RASGEF1B: variants seen among roughly 807,000 people sequenced by gnomAD.
RASGEF1B encodes ras-GEF domain-containing family member 1B.
In RASGEF1B, 30 loss-of-function variants were observed where a neutral mutation model predicts 65.7. That is an observed-to-expected ratio of 0.46 (90% confidence interval 0.34 to 0.62). The LOEUF (loss-of-function observed/expected upper bound fraction) is 0.62. RASGEF1B is among the 20% of genes least tolerant of loss of function. The probability of loss-of-function intolerance (pLI) is 0.01; values close to 1 mark genes in which losing one functional copy is unlikely to be tolerated. For missense variants in RASGEF1B, 495 were observed against 580.1 expected (o/e 0.85, Z 1.51); for synonymous variants, 175 against 194.8 (o/e 0.90, Z 0.85).
At chr4:81,435,312 G>C (rs906246855) in intron 10 of RASGEF1B, among the ~76,000 whole-genome samples, 6 of 150,172 alleles carry the variant, frequency 4.0e-5, no homozygotes, top group African/African-American at 1.2e-4. Context: ...TCGGGAGGCT[G>C]AGGCAGGAGA....
chr4:81,444,849 A>C (rs1408412701), intron 8 of RASGEF1B, among the ~76,000 whole-genome samples: 2 of 152,216 alleles, frequency 1.3e-5, no homozygotes, highest in African/African-American at 4.8e-5. Context: ...TTCTATTCAA[A>C]TGTTTATTGA....
intron 10 of RASGEF1B, among the ~76,000 whole-genome samples, chr4:81,435,826 G>T (rs1222307660): frequency 7.1e-6 from 1 of 140,914 alleles, no homozygotes; most frequent in East Asian, 2.1e-4. Flanking sequence ...TGTCACCCTG[G>T]CTGGAGTACG....
chr4:81,440,205 T>C lies in RASGEF1B; in HGVS notation c.1104+629A>G, dbSNP rs573798139. 2.6e-5 allele frequency among the ~76,000 whole-genome samples: 4 copies of C among 152,234 alleles called. No homozygotes were observed. In the East Asian group the frequency reaches 5.8e-4, roughly 22 times the overall value. On this transcript the variant is annotated intron_variant, in intron 10 of 13. Coordinates refer to ENST00000264400, the MANE Select transcript of RASGEF1B (RefSeq NM_152545.3). Reference sequence around the variant, plus strand: ...GTTGAAACAGCCTATCCTTCCTCTGTAAAGAAATATGACACCAAAATGTGC... The same window carrying C: ...GTTGAAACAGCCTATCCTTCCTCTGCAAAGAAATATGACACCAAAATGTGC...
intron 1 of RASGEF1B, among the ~76,000 whole-genome samples, chr4:81,460,388 C>T (rs552919705): frequency 5.6e-4 from 85 of 152,254 alleles, no homozygotes; most frequent in African/African-American, 2.0e-3. Flanking sequence ...TCTGGCACCA[C>T]GTCTGCACAA....
chr4:81,463,398 T>G (rs773752279), intron 1 of RASGEF1B, among the ~76,000 whole-genome samples: 2 of 152,216 alleles, frequency 1.3e-5, no homozygotes, highest in Non-Finnish European at 2.9e-5. Flanking sequence ...TAACAGTCTT[T>G]TAAAGTGATA....
At chr4:81,436,711 AC>A (rs1467638244) in intron 10 of RASGEF1B, among the ~76,000 whole-genome samples, 2 of 152,224 alleles carry the variant, frequency 1.3e-5, no homozygotes, top group East Asian at 3.8e-4. Context: ...CTCAGGTGGT[AC>A]TTCTATATTG....
intron 1 of RASGEF1B, among the ~76,000 whole-genome samples, chr4:81,465,467 C>T (rs1229035591): frequency 6.6e-6 from 1 of 152,210 alleles, no homozygotes; most frequent in African/African-American, 2.4e-5. Flanking sequence ...AGTTAGTTGA[C>T]AGACAAGACA....
intron 13 of RASGEF1B, among the ~76,000 whole-genome samples, chr4:81,430,820 A>G (rs1400222123): frequency 6.6e-6 from 1 of 152,254 alleles, no homozygotes; most frequent in Non-Finnish European, 1.5e-5. Flanking sequence ...GTCATAAAAT[A>G]AAAAGAACTA....
chr4:81,465,106 A>G (rs1301660308), intron 1 of RASGEF1B, among the ~76,000 whole-genome samples: 6 of 152,020 alleles, frequency 3.9e-5, no homozygotes, highest in Non-Finnish European at 5.9e-5. Context: ...AAAAGAAAGA[A>G]AGAAATCAAG....
intron 13 of RASGEF1B, among the ~76,000 whole-genome samples, chr4:81,432,094 A>T (rs977052764): frequency 6.6e-6 from 1 of 152,194 alleles, no homozygotes; most frequent in Non-Finnish European, 1.5e-5. Context: ...GTCACTGTAT[A>T]TCTGCCAATA....
Position 81,427,531 on chromosome 4 carries a change from T to G in RASGEF1B, c.*237A>C. On this transcript the variant is annotated 3_prime_UTR_variant, in exon 14 of 14. Transcript: ENST00000264400. Reference sequence around the variant, plus strand: ...AGAGCCGGGATTTTTAGAGGATTCTTTCTCAAGTGTCTTCAGTGAACATTT... The same window carrying G: ...AGAGCCGGGATTTTTAGAGGATTCTGTCTCAAGTGTCTTCAGTGAACATTT... The G allele has an allele frequency of 2.1e-6, 1 of 465,698 alleles. No individual in the cohort carries two copies. Among genetic ancestry groups the G allele is most frequent in the East Asian group, 3.4e-5 (1 of 29,504 alleles). The allele number at this position is 465,698 out of a possible 1,614,324, so 28.8% of individuals were successfully genotyped here. A position where few individuals can be genotyped will look rare whatever the true frequency, so the allele number is the denominator to read the frequency against.
intron 10 of RASGEF1B, among the ~76,000 whole-genome samples, chr4:81,438,848 T>C (rs1483295525): frequency 6.6e-6 from 1 of 152,122 alleles, no homozygotes; most frequent in East Asian, 1.9e-4. Flanking sequence ...CTGTGTTAGT[T>C]TGCTGAGGAT....
intron 10 of RASGEF1B, 42 bp downstream of exon 10, chr4:81,440,792 C>A (rs372174580): frequency 3.0e-6 from 4 of 1,329,650 alleles, no homozygotes; most frequent in Non-Finnish European, 4.3e-6. Flanking sequence ...GCATAAAACA[C>A]AGCAACTCTA....
intron 10 of RASGEF1B, among the ~76,000 whole-genome samples, chr4:81,438,200 T>C (rs1313977204): frequency 2.0e-5 from 3 of 152,104 alleles, no homozygotes; most frequent in Admixed American, 2.0e-4. Flanking sequence ...CACAGGTACC[T>C]ACAGAAACAA....
chr4:81,459,523 A>G lies in RASGEF1B; in HGVS notation c.-6-9T>C, dbSNP rs1722570100. ...GTCTGAGGCATACTTTCCTAAAAGG[A>G]ATAAAAAAGAAGAAAAAATAATGTC... On this transcript the variant is annotated splice_polypyrimidine_tract_variant and intron_variant, in intron 1 of 13. Coordinates refer to ENST00000264400, the MANE Select transcript of RASGEF1B (RefSeq NM_152545.3). The G allele has an allele frequency of 6.5e-7, 1 of 1,548,358 alleles. No individual in the cohort carries two copies. Among genetic ancestry groups the G allele is most frequent in the African/African-American group, 1.4e-5 (1 of 72,196 alleles).
chr4:81,462,524 C>T (rs1423456332), intron 1 of RASGEF1B, among the ~76,000 whole-genome samples: 11 of 152,198 alleles, frequency 7.2e-5, no homozygotes. Flanking sequence ...TTTCATTTTC[C>T]CATGAAACCA....
In RASGEF1B at chr4:81,445,852, A is replaced by G. The variant is rs759106257; in HGVS notation, c.730-14T>C. 10 of 1,597,498 alleles carry G rather than the reference A, an allele frequency of 6.3e-6. No individual in the cohort carries two copies. In the African/African-American group the frequency reaches 1.1e-4, roughly 17 times the overall value. On this transcript the variant is annotated splice_polypyrimidine_tract_variant and intron_variant, in intron 6 of 13. Transcript: ENST00000264400. ...ACTGTAGCAACTCTTTAGAGAAAAC[A>G]AAGTAAACAGATGAGTTAGAGGAAA...
Position 81,457,633 on chromosome 4 carries a change from G to GA in RASGEF1B, c.178-13dup, listed in dbSNP as rs747743566. 1.2e-6 allele frequency: 2 copies of GA among 1,610,010 alleles called. No homozygotes were observed. The highest frequency in any genetic ancestry group is 1.3e-5 in the African/African-American group (1 of 74,710). Reference sequence around the variant, plus strand: ...AATATGTATGTTCTCTGCAGCAACAGAAAAAAGTCATCATCGTTACATTCT... The same window carrying GA: ...AATATGTATGTTCTCTGCAGCAACAGAAAAAAAGTCATCATCGTTACATTCT... On this transcript the variant is annotated splice_polypyrimidine_tract_variant and intron_variant, in intron 2 of 13. Coordinates refer to ENST00000264400, the MANE Select transcript of RASGEF1B (RefSeq NM_152545.3).
chr4:81,430,217 C>T (rs1028875764), intron 13 of RASGEF1B, among the ~76,000 whole-genome samples: 7 of 152,160 alleles, frequency 4.6e-5, no homozygotes, highest in Non-Finnish European at 7.3e-5. Flanking sequence ...AGGAGAATGG[C>T]GTGAACCCGG....
Sources: gnomAD v4.1 joint callset for allele counts (sites outside exome capture counted in the v4.1 genomes callset) on GRCh38, gnomAD v4.1.1 for gene constraint, MANE v1.5 for transcripts, NCBI Gene and HGNC (gene_info 2026-07-23, HGNC 2026-07-21) for gene names.